ATP2A3: variants seen among roughly 807,000 people sequenced by gnomAD.
ATP2A3 encodes the protein ATPase sarcoplasmic/endoplasmic reticulum Ca2+ transporting 3, also known as sarcoplasmic/endoplasmic reticulum calcium ATPase 3.
In ATP2A3, 61 loss-of-function variants were observed where a neutral mutation model predicts 106.8. The observed-to-expected ratio is 0.57, with a 90% CI of 0.46 to 0.71. The LOEUF is 0.71. Ranked by LOEUF, ATP2A3 falls within the 30% of genes least tolerant of loss-of-function variation. ATP2A3 has a pLI of 0.00. For missense variants in ATP2A3, 1,201 were observed against 1,423.5 expected (o/e 0.84, Z 2.52); for synonymous variants, 611 against 609.3 (o/e 1.00, Z -0.04).
At chr17:3,962,741 C>G (rs2055209100) in intron 1 of ATP2A3, among the ~76,000 whole-genome samples, 1 of 152,158 alleles carries the variant, frequency 6.6e-6, no homozygotes, top group Non-Finnish European at 1.5e-5. Context: ...TAGGGTCGTA[C>G]AGAAGCAGTA....
In ATP2A3 at chr17:3,964,176, T is replaced by C; in HGVS notation, c.116A>G (p.Asn39Ser). The C allele has an allele frequency of 8.3e-7, 1 of 1,202,556 alleles. No homozygotes were observed. Among genetic ancestry groups the C allele is most frequent in the Non-Finnish European group, 1.0e-6 (1 of 960,828 alleles). The allele number at this position is 1,202,556 out of a possible 1,614,324, so 74.5% of individuals were successfully genotyped here. A position where few individuals can be genotyped will look rare whatever the true frequency, so the allele number is the denominator to read the frequency against. The change falls in exon 1 of 21, where the codon AAC becomes AGC. Residue 39 changes from asparagine to serine, a missense_variant and splice_region_variant. Physicochemically the swap from Asn to Ser is conservative, Grantham distance 46 (BLOSUM62 1). Transcript: ENST00000397041. ...VTGARERYGP[N>S]ELPSEEGKSL... Reference sequence around the variant, plus strand: ...CCCGGCCCGGCCCGCGCGCTCACCGTTGGGGCCGTAGCGCTCCCGCGCGCC... The same window carrying C: ...CCCGGCCCGGCCCGCGCGCTCACCGCTGGGGCCGTAGCGCTCCCGCGCGCC...
In ATP2A3 at chr17:3,950,423, C is replaced by CA. The variant is rs931519480; in HGVS notation, c.630+87dup. The CA allele has an allele frequency of 8.9e-6, 13 of 1,460,714 alleles. No homozygotes were observed. The Admixed American group carries it at 1.0e-4, about 12-fold the overall frequency. The allele number at this position is 1,460,714 out of a possible 1,614,324, so 90.5% of individuals were successfully genotyped here. A position where few individuals can be genotyped will look rare whatever the true frequency, so the allele number is the denominator to read the frequency against. ...AGGTGATCCACCCACCTCAGCCTCC[C>CA]AAAGTGCTGGGATTACAGGCGTGAT... On this transcript the variant is annotated intron_variant, in intron 7 of 20. Coordinates refer to ENST00000397041, the MANE Select transcript of ATP2A3 (RefSeq NM_005173.4).
intron 1 of ATP2A3, among the ~76,000 whole-genome samples, chr17:3,958,514 C>G (rs1166080281): frequency 6.6e-6 from 1 of 151,940 alleles, no homozygotes; most frequent in African/African-American, 2.4e-5. Context: ...TGGATCTGTC[C>G]CCACCTGCCC....
chr17:3,961,132 A>C (rs906149089), intron 1 of ATP2A3, among the ~76,000 whole-genome samples: 5 of 152,220 alleles, frequency 3.3e-5, no homozygotes, highest in Non-Finnish European at 5.9e-5. Context: ...TCACAGCTCC[A>C]GATGTGTATA....
chr17:3,955,890 T>TTA lies in ATP2A3; in HGVS notation c.119-2181_119-2180insTA, dbSNP rs1555565897. ...TTCTCTTATTTTATTTTATTTTATT[T>TTA]TTTTTTTTTGAGATGGAGTCTTGCT... On this transcript the variant is annotated intron_variant, in intron 1 of 20. Coordinates refer to ENST00000397041, the MANE Select transcript of ATP2A3 (RefSeq NM_005173.4). The surrounding 1 kb of genome is among the most constrained non-coding windows in gnomAD (Gnocchi z 4.2). 2.1e-5 allele frequency among the ~76,000 whole-genome samples: 3 copies of TTA among 141,924 alleles called. No individual in the cohort carries two copies. Among genetic ancestry groups the TTA allele is most frequent in the African/African-American group, 7.7e-5 (3 of 38,996 alleles). 93.1% of individuals were successfully genotyped at this position (141,924 alleles called of 152,430 possible).
intron 14 of ATP2A3, 49 bp from the exon 15 acceptor site, chr17:3,937,685 C>T: frequency 2.5e-6 from 4 of 1,570,406 alleles, no homozygotes; most frequent in Non-Finnish European, 1.7e-6. Context: ...TCCCTTCCAC[C>T]TCCCCATCTC....
chr17:3,958,801 T>TATATACAC (rs1567726589), intron 1 of ATP2A3, among the ~76,000 whole-genome samples: 6 of 107,646 alleles, frequency 5.6e-5, no homozygotes, highest in African/African-American at 2.1e-4. Flanking sequence ...CACATATATA[T>TATATACAC]ACACACATAT....
At position 3,943,286 on chromosome 17, in the gene ATP2A3, A is replaced by C. The variant is rs919683588; in HGVS notation, c.1419+105T>G. 1.8e-4 allele frequency: 265 copies of C among 1,484,956 alleles called. 2 individuals are homozygous for C. In the African/African-American group the frequency reaches 3.1e-3, roughly 18 times the overall value. 92.0% of individuals were successfully genotyped at this position (1,484,956 alleles called of 1,614,324 possible). ...GACTCCGTCTCAAAAAAAAAAAAAA[A>C]CAAAACGAAACAAAACAAAAACTTC... On this transcript the variant is annotated intron_variant, in intron 11 of 20. Transcript: ENST00000397041.
Position 3,928,944 on chromosome 17 carries a change from C to T in ATP2A3, c.2863-164G>A, listed in dbSNP as rs529427379. On this transcript the variant is annotated intron_variant, in intron 19 of 20. Transcript: ENST00000397041. This position sits in a 1 kb window ranked among gnomAD's most constrained non-coding sequence, Gnocchi z 6.1. ...TCTTTGTCCACTCAGCTGCACCCCC[C>T]GATCTTTGTCTGTTCAGCTGCACCC... is the stretch of plus-strand genomic sequence containing the variant. 1.4e-4 allele frequency among the ~76,000 whole-genome samples: 20 copies of T among 147,720 alleles called. No homozygotes were observed. The South Asian group carries it at 3.0e-3, about 22-fold the overall frequency.
rs1425072595 is a variant in ATP2A3 at position 3,936,487 on chromosome 17, G to A, written c.2322-18C>T. Reference sequence around the variant, plus strand: ...GGAAGATGCTGGAACAGAGTCATGAGCTCTAGCCCCGGTAGGCCTAGCCCC... The same window carrying A: ...GGAAGATGCTGGAACAGAGTCATGAACTCTAGCCCCGGTAGGCCTAGCCCC... On this transcript the variant is annotated intron_variant, in intron 15 of 20. Transcript: ENST00000397041. The surrounding 1 kb of genome is among the most constrained non-coding windows in gnomAD (Gnocchi z 5.4). 6.2e-7 allele frequency: 1 copy of A among 1,613,364 alleles called. No homozygotes were observed. The highest frequency in any genetic ancestry group is 1.1e-5 in the South Asian group (1 of 91,054).
At chr17:3,931,789 G>C (rs2144287234) in intron 17 of ATP2A3, among the ~76,000 whole-genome samples, 1 of 152,290 alleles carries the variant, frequency 6.6e-6, no homozygotes, top group East Asian at 1.9e-4. Flanking sequence ...CCAAAGTGCT[G>C]GGATTACAGG....
intron 4 of ATP2A3, 43 bp downstream of exon 4, chr17:3,951,538 G>A: frequency 1.3e-6 from 2 of 1,539,166 alleles, no homozygotes; most frequent in Admixed American, 3.9e-5. Flanking sequence ...CCTAGTGGCT[G>A]GGAGACCGCC....
chr17:3,954,631 G>A (rs1457272447), intron 1 of ATP2A3, among the ~76,000 whole-genome samples: 1 of 151,880 alleles, frequency 6.6e-6, no homozygotes, highest in Non-Finnish European at 1.5e-5. Flanking sequence ...TGAGTAGCTG[G>A]GATTACAGGC....
Position 3,950,648 on chromosome 17 carries a change from T to C in ATP2A3, c.544+45A>G, listed in dbSNP as rs2054362198. 4 of 1,613,438 alleles carry C rather than the reference T, an allele frequency of 2.5e-6. No homozygotes were observed. In the African/African-American group the frequency reaches 4.0e-5, roughly 16 times the overall value. Reference sequence around the variant, plus strand: ...CCCCACATGAAGACACGCCCATCCCTTAGTCCTGGCCCACTAGGTCCCGGC... The same window carrying C: ...CCCCACATGAAGACACGCCCATCCCCTAGTCCTGGCCCACTAGGTCCCGGC... On this transcript the variant is annotated intron_variant, in intron 6 of 20. Transcript: ENST00000397041.
chr17:3,952,026 C>A (rs2054477013), intron 3 of ATP2A3, among the ~76,000 whole-genome samples: 2 of 152,134 alleles, frequency 1.3e-5, no homozygotes, highest in South Asian at 4.1e-4. Flanking sequence ...TCTTGGGGTC[C>A]CTCCCAGACC....
At chr17:3,951,543 A>ACCCCCCCCCCCC (rs56224024) in intron 4 of ATP2A3, 38 bp downstream of exon 4, 44 of 1,388,734 alleles carry the variant, frequency 3.2e-5, no homozygotes, top group Middle Eastern at 2.5e-4. Flanking sequence ...TGGCTGGGAG[A>ACCCCCCCCCCCC]CCGCCCCCCG....
At position 3,951,763 on chromosome 17, in the gene ATP2A3, T is replaced by C; in HGVS notation, c.220-78A>G. ...CTCCTTTTCCTTGGCACCCCGGATC[T>C]CCTGCTTGCTTCCCTGCTTTGGGGA... On this transcript the variant is annotated intron_variant, in intron 3 of 20. Transcript: ENST00000397041. 24 of 1,363,452 alleles carry C rather than the reference T, an allele frequency of 1.8e-5. No individual in the cohort carries two copies. In the South Asian group the frequency reaches 2.9e-4, roughly 16 times the overall value. 84.5% of individuals were successfully genotyped at this position (1,363,452 alleles called of 1,614,324 possible).
Position 3,953,653 on chromosome 17 carries a change from C to A in ATP2A3, c.136+40G>T. ...CCAGACAGAGAACGACCCAGGGATG[C>A]TGCCCGCGGCCTAGAGGTCCATCCC... On this transcript the variant is annotated intron_variant, in intron 2 of 20. Transcript: ENST00000397041. This position sits in a 1 kb window ranked among gnomAD's most constrained non-coding sequence, Gnocchi z 5.1. 6.4e-7 allele frequency: 1 copy of A among 1,558,096 alleles called. No individual in the cohort carries two copies. The highest frequency in any genetic ancestry group is 8.7e-7 in the Non-Finnish European group (1 of 1,150,500).
At chr17:3,949,429 C>G (rs1209109311) in intron 7 of ATP2A3, among the ~76,000 whole-genome samples, 1 of 152,214 alleles carries the variant, frequency 6.6e-6, no homozygotes, top group Non-Finnish European at 1.5e-5. Flanking sequence ...CCTTGTGGGT[C>G]AGTTTTCCTG....
Sources: allele counts gnomAD v4.1 joint callset (sites outside exome capture counted in the v4.1 genomes callset), GRCh38; gene constraint gnomAD v4.1.1; non-coding constraint Gnocchi (gnomAD v3.1); transcripts MANE v1.5; gene names NCBI Gene and HGNC (gene_info 2026-07-23, HGNC 2026-07-21).